The following ULK4 variants were observed in gnomAD, a reference collection of about 807,000 sequenced individuals.
ULK4 encodes inactive serine/threonine-protein kinase ULK4.
A neutral mutation model predicts 160.6 loss-of-function variants in ULK4; 133 were observed. The observed-to-expected ratio is 0.83, with a 90% CI of 0.72 to 0.96. The LOEUF is 0.96. Among genes scored for constraint, ULK4 ranks in the 40% least tolerant of loss-of-function variants. The pLI is 0.00. For missense variants in ULK4, 1,580 were observed against 1,499.5 expected, an observed-to-expected ratio of 1.05 and a Z score of -0.89; for synonymous variants, 534 against 539.8, an observed-to-expected ratio of 0.99 and a Z score of 0.15.
At chr3:41,395,694 G>A (rs951723513) in intron 35 of ULK4, among the ~76,000 whole-genome samples, 2 of 152,056 alleles carry the variant, frequency 1.3e-5, no homozygotes, top group African/African-American at 2.4e-5. Flanking sequence ...TTGTGGAGAT[G>A]GATAATAGTG....
At chr3:41,483,397 T>C (rs945194297) in intron 32 of ULK4, among the ~76,000 whole-genome samples, 9 of 152,210 alleles carry the variant, frequency 5.9e-5, no homozygotes, top group African/African-American at 2.2e-4. Flanking sequence ...GACGAAGCTC[T>C]CTTTCCCCAT....
At chr3:41,816,541 G>A (rs1292452854) in intron 19 of ULK4, among the ~76,000 whole-genome samples, 1 of 152,206 alleles carries the variant, frequency 6.6e-6, no homozygotes, top group Non-Finnish European at 1.5e-5. Flanking sequence ...CCATGGCTGG[G>A]TGCAGTGGCT....
intron 19 of ULK4, among the ~76,000 whole-genome samples, chr3:41,802,683 G>C (rs2040497104): frequency 6.6e-6 from 1 of 152,054 alleles, no homozygotes; most frequent in Admixed American, 6.6e-5. Flanking sequence ...GACAATAGTA[G>C]GAAGGCTAGA....
chr3:41,858,788 A>T (rs1276057964), intron 17 of ULK4, among the ~76,000 whole-genome samples: 2 of 151,526 alleles, frequency 1.3e-5, no homozygotes, highest in Non-Finnish European at 2.9e-5. Context: ...TATAGGCATG[A>T]GCCACAGTTC....
intron 30 of ULK4, among the ~76,000 whole-genome samples, chr3:41,649,708 A>G (rs2034660841): frequency 6.6e-6 from 1 of 152,342 alleles, no homozygotes; most frequent in South Asian, 2.1e-4. Flanking sequence ...ACAGGCCTAC[A>G]GGTGCCCCAC....
At chr3:41,263,946 AAC>A (rs2078987132) in intron 35 of ULK4, among the ~76,000 whole-genome samples, 1 of 152,238 alleles carries the variant, frequency 6.6e-6, no homozygotes, top group Non-Finnish European at 1.5e-5. Flanking sequence ...CACCTTGAGA[AAC>A]ACAATTAAAA....
chr3:41,591,183 A>G (rs1025010095), intron 31 of ULK4, among the ~76,000 whole-genome samples: 2 of 152,226 alleles, frequency 1.3e-5, no homozygotes, highest in African/African-American at 4.8e-5. Context: ...AGACAATGAA[A>G]AGCAACTTTG....
chr3:41,388,588 CA>C (rs2081878557), intron 35 of ULK4, among the ~76,000 whole-genome samples: 1 of 152,098 alleles, frequency 6.6e-6, no homozygotes, highest in Non-Finnish European at 1.5e-5. Context: ...CAGCTTTCTA[CA>C]TATGGCTAGC....
intron 32 of ULK4, among the ~76,000 whole-genome samples, chr3:41,532,356 G>A (rs1208905231): frequency 3.9e-5 from 6 of 152,140 alleles, no homozygotes; most frequent in African/African-American, 1.2e-4. Context: ...ACCCAGTGAA[G>A]GACTTCAACC....
intron 34 of ULK4, among the ~76,000 whole-genome samples, chr3:41,436,558 T>C (rs1451529298): frequency 6.6e-6 from 1 of 152,188 alleles, no homozygotes; most frequent in Non-Finnish European, 1.5e-5. Flanking sequence ...GGCAGAAAAC[T>C]GTCATTTTAA....
Position 41,853,640 on chromosome 3 carries a change from A to C in ULK4, c.1657-17669T>G, listed in dbSNP as rs1456926345. 2.6e-5 allele frequency among the ~76,000 whole-genome samples: 4 copies of C among 152,188 alleles called. No individual in the cohort carries two copies. The East Asian group carries it at 7.7e-4, about 29-fold the overall frequency. ...GGCACTACTGAAACAACTGCAGCCC[A>C]CTGACAGCCAGATGCTGACTAACTC... On this transcript the variant is annotated intron_variant, in intron 17 of 36. Transcript: ENST00000301831.
At chr3:41,698,322 T>C (rs2036565276) in intron 27 of ULK4, among the ~76,000 whole-genome samples, 1 of 152,160 alleles carries the variant, frequency 6.6e-6, no homozygotes, top group Non-Finnish European at 1.5e-5. Context: ...AATGGGGTTA[T>C]AGCTACATTG....
intron 32 of ULK4, among the ~76,000 whole-genome samples, chr3:41,473,382 C>A (rs1233813704): frequency 2.6e-5 from 4 of 152,028 alleles, no homozygotes; most frequent in African/African-American, 4.8e-5. Context: ...TAAATATAGG[C>A]TGGGCACAGT....
At chr3:41,589,267 C>T (rs552244405) in intron 31 of ULK4, among the ~76,000 whole-genome samples, 2 of 151,884 alleles carry the variant, frequency 1.3e-5, no homozygotes, top group South Asian at 4.2e-4. Flanking sequence ...GTCCAGCAAT[C>T]TAGATTAGTT....
intron 25 of ULK4, among the ~76,000 whole-genome samples, chr3:41,706,834 A>AG (rs1559498612): frequency 8.0e-6 from 1 of 124,814 alleles, no homozygotes; most frequent in African/African-American, 5.2e-5. Flanking sequence ...TCTCAAAAAA[A>AG]AAAAAAAAAA....
intron 35 of ULK4, among the ~76,000 whole-genome samples, chr3:41,265,380 G>C (rs1452654808): frequency 6.6e-6 from 1 of 152,234 alleles, no homozygotes; most frequent in Non-Finnish European, 1.5e-5. Flanking sequence ...GAAACAGCTG[G>C]TAGGGCCACG....
chr3:41,428,108 T>C (rs1438445377), intron 34 of ULK4, among the ~76,000 whole-genome samples: 2 of 151,946 alleles, frequency 1.3e-5, no homozygotes, highest in South Asian at 2.1e-4. Flanking sequence ...AATCACAAGC[T>C]TCCTATACAC....
chr3:41,566,220 A>T lies in ULK4; in HGVS notation c.3121-90T>A, dbSNP rs1301362631. On this transcript the variant is annotated intron_variant, in intron 31 of 36. Coordinates refer to ENST00000301831, the MANE Select transcript of ULK4 (RefSeq NM_017886.4). ...ATAAGCAAATGATGTCCACTGCTTCATTCTTTGCACAAGGTTAAATGATTA... is the reference window on the plus strand; with the variant it reads ...ATAAGCAAATGATGTCCACTGCTTCTTTCTTTGCACAAGGTTAAATGATTA... The T allele has an allele frequency of 3.8e-6, 4 of 1,039,732 alleles. No individual in the cohort carries two copies. The Admixed American group carries it at 6.0e-5, about 16-fold the overall frequency. The allele number at this position is 1,039,732 out of a possible 1,614,324, so 64.4% of individuals were successfully genotyped here.
chr3:41,506,899 G>A (rs1303211114), intron 32 of ULK4, among the ~76,000 whole-genome samples: 9 of 147,030 alleles, frequency 6.1e-5, no homozygotes, highest in Non-Finnish European at 1.2e-4. Context: ...AGCAGAATGC[G>A]CATTGGCGGG....
Sources: gnomAD v4.1 joint callset for allele counts (sites outside exome capture counted in the v4.1 genomes callset) on GRCh38, gnomAD v4.1.1 for gene constraint, MANE v1.5 for transcripts, NCBI Gene and HGNC (gene_info 2026-07-23, HGNC 2026-07-21) for gene names.